DAB1: variants seen among roughly 807,000 people sequenced by gnomAD.
DAB1 encodes DAB adaptor protein 1, also known as disabled homolog 1.
Under a neutral mutation model 64.6 loss-of-function variants are expected in DAB1, and 15 were observed. The observed-to-expected ratio is 0.23, with a 90% CI of 0.16 to 0.36. The LOEUF is 0.36. Ranked by LOEUF, DAB1 falls within the 10% of genes least tolerant of loss-of-function variation. The pLI is 1.00. For missense variants in DAB1, 596 were observed against 706.7 expected (o/e 0.84, Z 1.78); for synonymous variants, 235 against 251.9 (o/e 0.93, Z 0.64).
intron 1 of DAB1, among the ~76,000 whole-genome samples, chr1:57,328,352 G>A (rs190312125): frequency 6.6e-6 from 1 of 152,164 alleles, no homozygotes; most frequent in Non-Finnish European, 1.5e-5. Context: ...GACCACGTGG[G>A]GTGCTATACT....
intron 3 of DAB1, among the ~76,000 whole-genome samples, chr1:58,390,773 T>G (rs1256209012): frequency 1.3e-5 from 2 of 152,224 alleles, no homozygotes; most frequent in Admixed American, 1.3e-4. Flanking sequence ...GGCTTTCTAT[T>G]GTTCCTACTT....
At chr1:57,034,063 G>A (rs192767464) in intron 9 of DAB1, among the ~76,000 whole-genome samples, 5 of 152,090 alleles carry the variant, frequency 3.3e-5, no homozygotes, top group Admixed American at 1.3e-4. Context: ...GGCGGATCAC[G>A]AGGTCAGGAG....
chr1:57,940,498 A>G (rs559210736), intron 5 of DAB1, among the ~76,000 whole-genome samples: 10 of 152,344 alleles, frequency 6.6e-5, no homozygotes, highest in African/African-American at 2.2e-4. Flanking sequence ...AGGGCAGACT[A>G]GAGGATAAGA....
At chr1:57,755,715 G>A (rs1648773061) in intron 6 of DAB1, among the ~76,000 whole-genome samples, 1 of 152,076 alleles carries the variant, frequency 6.6e-6, no homozygotes. Flanking sequence ...TGGATTTGGT[G>A]CTTATACATC....
At chr1:58,144,684 G>A (rs187676695) in intron 5 of DAB1, among the ~76,000 whole-genome samples, 1 of 152,142 alleles carries the variant, frequency 6.6e-6, no homozygotes, top group East Asian at 1.9e-4. Flanking sequence ...ATGAGTAGAA[G>A]CATTTTATAG....
chr1:58,245,551 C>A (rs895769951), intron 4 of DAB1, among the ~76,000 whole-genome samples: 2 of 152,116 alleles, frequency 1.3e-5, no homozygotes, highest in Admixed American at 1.3e-4. Flanking sequence ...TGGGTGCTCA[C>A]AGATCCACTA....
At chr1:57,324,363 A>G (rs982285703) in intron 1 of DAB1, among the ~76,000 whole-genome samples, 3 of 152,190 alleles carry the variant, frequency 2.0e-5, no homozygotes, top group Non-Finnish European at 4.4e-5. Flanking sequence ...CTCCTATGAC[A>G]AAAGACAAAG....
intron 7 of DAB1, among the ~76,000 whole-genome samples, chr1:57,562,713 T>C (rs772246726): frequency 6.6e-5 from 10 of 152,192 alleles, no homozygotes; most frequent in Non-Finnish European, 1.5e-4. Flanking sequence ...TTGCTTCCTG[T>C]TCCCATGACA....
chr1:58,023,281 C>T (rs1646840623), intron 5 of DAB1, among the ~76,000 whole-genome samples: 1 of 152,232 alleles, frequency 6.6e-6, no homozygotes, highest in East Asian at 1.9e-4. Flanking sequence ...TCACCCCCAG[C>T]CCACAGCCAG....
chr1:58,358,478 C>T (rs1039092630), intron 3 of DAB1, among the ~76,000 whole-genome samples: 1 of 152,150 alleles, frequency 6.6e-6, no homozygotes, highest in African/African-American at 2.4e-5. Context: ...GAACATGACT[C>T]ATCTGAAAGC....
chr1:58,245,968 G>A (rs1457893176), intron 4 of DAB1, among the ~76,000 whole-genome samples: 1 of 152,106 alleles, frequency 6.6e-6, no homozygotes, highest in Non-Finnish European at 1.5e-5. Flanking sequence ...AATCTAGTTA[G>A]GAAAATATTA....
chr1:57,051,059 A>G (rs1296307357), intron 9 of DAB1, among the ~76,000 whole-genome samples: 1 of 152,182 alleles, frequency 6.6e-6, no homozygotes, highest in African/African-American at 2.4e-5. Flanking sequence ...GGCGAAACCA[A>G]ATAACCTCTT....
chr1:57,447,259 G>A (rs1388147643), intron 7 of DAB1, among the ~76,000 whole-genome samples: 1 of 152,182 alleles, frequency 6.6e-6, no homozygotes. Flanking sequence ...AGGAGCCTCT[G>A]TGAGTCTATG....
At chr1:57,794,974 G>T (rs1397540567) in intron 6 of DAB1, among the ~76,000 whole-genome samples, 1 of 152,168 alleles carries the variant, frequency 6.6e-6, no homozygotes, top group African/African-American at 2.4e-5. Context: ...GGCACTGTTT[G>T]CTGGAGCATG....
At chr1:58,325,841 T>A (rs891589463) in intron 4 of DAB1, among the ~76,000 whole-genome samples, 1 of 152,192 alleles carries the variant, frequency 6.6e-6, no homozygotes, top group Non-Finnish European at 1.5e-5. Context: ...TATCTCACCT[T>A]TTACCTTTTA....
intron 1 of DAB1, among the ~76,000 whole-genome samples, chr1:57,378,755 G>C (rs980244603): frequency 6.6e-6 from 1 of 152,122 alleles, no homozygotes; most frequent in Non-Finnish European, 1.5e-5. Flanking sequence ...GGAGTCACTA[G>C]AATGTACAAA....
chr1:58,513,986 T>C (rs1646121955), intron 2 of DAB1, among the ~76,000 whole-genome samples: 1 of 152,216 alleles, frequency 6.6e-6, no homozygotes, highest in Non-Finnish European at 1.5e-5. Context: ...CAGATGCATC[T>C]GTAAAACTAA....
At chr1:57,900,588 T>C (rs922379169) in intron 5 of DAB1, among the ~76,000 whole-genome samples, 3 of 152,172 alleles carry the variant, frequency 2.0e-5, no homozygotes, top group Middle Eastern at 3.2e-3. Context: ...TTCTCTTTCC[T>C]CAACTGGGGA....
chr1:57,161,313 G>A (rs1660724628), intron 2 of DAB1, among the ~76,000 whole-genome samples: 1 of 152,160 alleles, frequency 6.6e-6, no homozygotes, highest in Non-Finnish European at 1.5e-5. Context: ...CTAATCAAAA[G>A]AGAACAACCA....
Sources: gnomAD v4.1 joint callset for allele counts (sites outside exome capture counted in the v4.1 genomes callset) on GRCh38, gnomAD v4.1.1 for gene constraint, MANE v1.5 for transcripts, NCBI Gene and HGNC (gene_info 2026-07-23, HGNC 2026-07-21) for gene names.